BMPR1B: variants seen among roughly 807,000 people sequenced by gnomAD.
BMPR1B encodes bone morphogenetic protein receptor type-1B.
A neutral mutation model predicts 59.1 loss-of-function variants in BMPR1B; 12 were observed. The observed-to-expected ratio is 0.20, with a 90% CI of 0.13 to 0.33. The LOEUF (loss-of-function observed/expected upper bound fraction) is 0.33. Ranked by LOEUF, BMPR1B falls within the 10% of genes least tolerant of loss-of-function variation. The pLI is 1.00. For synonymous variants in BMPR1B, 237 were observed against 207.3 expected (o/e 1.14, Z -1.23); for missense variants, 550 against 610.9 (o/e 0.90, Z 1.05).
At chr4:94,905,386 G>A (rs941536045) in intron 2 of BMPR1B, among the ~76,000 whole-genome samples, 2 of 151,880 alleles carry the variant, frequency 1.3e-5, no homozygotes, top group Non-Finnish European at 2.9e-5. Context: ...AAACAGTAAT[G>A]GCTAACAATT....
At chr4:94,961,503 A>G (rs943189662) in intron 2 of BMPR1B, among the ~76,000 whole-genome samples, 2 of 152,154 alleles carry the variant, frequency 1.3e-5, no homozygotes, top group African/African-American at 2.4e-5. Flanking sequence ...TTATCAGGGT[A>G]CATATTTTTG....
Position 95,104,418 on chromosome 4 carries a change from T to G in BMPR1B, c.-7T>G, listed in dbSNP as rs776714886. The G allele has an allele frequency of 6.2e-7, 1 of 1,613,060 alleles. No individual in the cohort carries two copies. Among genetic ancestry groups the G allele is most frequent in the Non-Finnish European group, 8.5e-7 (1 of 1,179,422 alleles). ...TATTTCTTCTTTCAGCAAACTTCCT[T>G]GATAACATGCTTTTGCGAAGTGCAG... On this transcript the variant is annotated 5_prime_UTR_variant, in exon 4 of 13. Transcript: ENST00000515059.
intron 1 of BMPR1B, among the ~76,000 whole-genome samples, chr4:94,863,378 A>T (rs751024965): frequency 1.3e-5 from 2 of 152,176 alleles, no homozygotes; most frequent in Non-Finnish European, 2.9e-5. Context: ...GCTTCTGGCC[A>T]TTTCACCAGC....
intron 4 of BMPR1B, among the ~76,000 whole-genome samples, chr4:95,107,552 A>G (rs372693904): frequency 6.6e-6 from 1 of 152,226 alleles, no homozygotes; most frequent in African/African-American, 2.4e-5. Context: ...AGAAGTTAAC[A>G]GAAAACTAAT....
chr4:94,914,425 A>G (rs1728403177), intron 2 of BMPR1B, among the ~76,000 whole-genome samples: 1 of 152,180 alleles, frequency 6.6e-6, no homozygotes, highest in African/African-American at 2.4e-5. Context: ...CAAGGATGAA[A>G]GAGTATTAAT....
At chr4:95,104,361 G>T in intron 3 of BMPR1B, 47 bp from the exon 4 acceptor site, 1 of 1,597,498 alleles carries the variant, frequency 6.3e-7, no homozygotes, top group Non-Finnish European at 8.6e-7. Context: ...AGAAGACTGG[G>T]GTAGTCTACC....
chr4:95,053,749 CT>C (rs963379087), intron 3 of BMPR1B, among the ~76,000 whole-genome samples: 3 of 152,028 alleles, frequency 2.0e-5, no homozygotes, highest in African/African-American at 7.2e-5. Context: ...CACCAATTGA[CT>C]TTTTTTGTTG....
intron 3 of BMPR1B, among the ~76,000 whole-genome samples, chr4:95,059,984 G>A (rs1240001396): frequency 6.6e-6 from 1 of 152,182 alleles, no homozygotes; most frequent in East Asian, 1.9e-4. Flanking sequence ...ATTGAGCACT[G>A]GCTGAGCACT....
intron 2 of BMPR1B, among the ~76,000 whole-genome samples, chr4:94,903,972 A>T (rs1002606296): frequency 1.3e-5 from 2 of 152,066 alleles, no homozygotes; most frequent in Non-Finnish European, 2.9e-5. Context: ...CTAGCAAACT[A>T]ATACACTTAG....
At chr4:94,836,066 A>C (rs962315242) in intron 1 of BMPR1B, among the ~76,000 whole-genome samples, 2 of 148,838 alleles carry the variant, frequency 1.3e-5, no homozygotes, top group African/African-American at 5.0e-5. Context: ...AATTTCATCC[A>C]TGTCCCTACA....
chr4:94,906,934 G>A (rs980942419), intron 2 of BMPR1B, among the ~76,000 whole-genome samples: 2 of 151,940 alleles, frequency 1.3e-5, no homozygotes, highest in Non-Finnish European at 2.9e-5. Flanking sequence ...GTTAATTTAT[G>A]GGTTTTGTAG....
intron 4 of BMPR1B, among the ~76,000 whole-genome samples, chr4:95,112,222 C>T (rs1209964031): frequency 1.3e-5 from 2 of 151,826 alleles, no homozygotes; most frequent in Non-Finnish European, 1.5e-5. Context: ...CTTTTATTTC[C>T]TTCATGATTC....
At chr4:94,975,473 C>CCACCTCAG (rs1278557677) in intron 2 of BMPR1B, among the ~76,000 whole-genome samples, 6 of 150,636 alleles carry the variant, frequency 4.0e-5, no homozygotes, top group Non-Finnish European at 8.9e-5. Context: ...GGTGATCCTC[C>CCACCTCAG]CACCTCAGCC....
At chr4:95,082,212 CA>C (rs1456912383) in intron 3 of BMPR1B, among the ~76,000 whole-genome samples, 9 of 131,770 alleles carry the variant, frequency 6.8e-5, no homozygotes, top group Non-Finnish European at 1.5e-4. Context: ...TTTAACTGTT[CA>C]ATTTTTTTTT....
chr4:95,141,893 A>G (rs1253268697), intron 10 of BMPR1B, among the ~76,000 whole-genome samples: 3 of 152,208 alleles, frequency 2.0e-5, no homozygotes, highest in Non-Finnish European at 4.4e-5. Context: ...GAGATAGGGT[A>G]GCTTAGTTCG....
At chr4:95,050,825 T>A (rs1726446140) in intron 3 of BMPR1B, among the ~76,000 whole-genome samples, 2 of 152,212 alleles carry the variant, frequency 1.3e-5, no homozygotes, top group South Asian at 4.1e-4. Flanking sequence ...CTTGGTGTTC[T>A]TTTATTATTA....
Position 95,100,044 on chromosome 4 carries a change from C to CT in BMPR1B, c.-17-4360dup, listed in dbSNP as rs1361318339. Among the ~76,000 whole-genome samples, 3 of 152,166 alleles carry CT rather than the reference C, an allele frequency of 2.0e-5. No individual in the cohort carries two copies. In the East Asian group the frequency reaches 5.8e-4, roughly 29 times the overall value. On this transcript the variant is annotated intron_variant, in intron 3 of 12. Transcript: ENST00000515059. Reference sequence around the variant, plus strand: ...ATCTTAGAGTTCTCTCTTCCAACATCTTTTGACCTGCCTTCAATGAGGCCT... The same window carrying CT: ...ATCTTAGAGTTCTCTCTTCCAACATCTTTTTGACCTGCCTTCAATGAGGCCT...
At chr4:94,851,630 T>C (rs1024326338) in intron 1 of BMPR1B, among the ~76,000 whole-genome samples, 31 of 152,030 alleles carry the variant, frequency 2.0e-4, no homozygotes, top group African/African-American at 6.7e-4. Context: ...AACACATACC[T>C]CTAATTTATA....
At chr4:94,803,568 T>C (rs1414192291) in intron 1 of BMPR1B, among the ~76,000 whole-genome samples, 1 of 152,228 alleles carries the variant, frequency 6.6e-6, no homozygotes, top group South Asian at 2.1e-4. Context: ...GGCAGAATGC[T>C]CTTCTTCTTT....
Sources: allele counts gnomAD v4.1 joint callset (sites outside exome capture counted in the v4.1 genomes callset), GRCh38; gene constraint gnomAD v4.1.1; transcripts MANE v1.5; gene names NCBI Gene and HGNC (gene_info 2026-07-23, HGNC 2026-07-21).